SRPK2: variants seen among roughly 807,000 people sequenced by gnomAD.
SRPK2 encodes SFRS protein kinase 2.
SRPK2 carries 21 observed loss-of-function variants against 90.8 expected under a neutral mutation model. That is an observed-to-expected ratio of 0.23 (90% CI 0.16 to 0.33). The LOEUF (loss-of-function observed/expected upper bound fraction) is 0.33. Among genes scored for constraint, SRPK2 ranks in the 10% least tolerant of loss-of-function variants. SRPK2 has a pLI of 1.00. For synonymous variants in SRPK2, 288 were observed against 311.1 expected, an observed-to-expected ratio of 0.93 and a Z score of 0.78; for missense variants, 620 against 869.0, an observed-to-expected ratio of 0.71 and a Z score of 3.60.
intron 2 of SRPK2, among the ~76,000 whole-genome samples, chr7:105,205,515 T>TCACACACA (rs1426772972): frequency 5.4e-5 from 6 of 111,822 alleles, no homozygotes; most frequent in Non-Finnish European, 5.3e-5. Context: ...TCTCTCTCTC[T>TCACACACA]CTCACACACA....
At chr7:105,388,450 G>A (rs924064387) in intron 2 of SRPK2, among the ~76,000 whole-genome samples, 198 bp downstream of exon 2, 5 of 147,206 alleles carry the variant, frequency 3.4e-5, no homozygotes, top group Non-Finnish European at 3.0e-5. Flanking sequence ...CTAGGGAACC[G>A]GCCGCGGCCC....
intron 2 of SRPK2, among the ~76,000 whole-genome samples, chr7:105,380,464 C>G (rs1820809630): frequency 6.6e-6 from 1 of 151,670 alleles, no homozygotes. Flanking sequence ...CAAAACCATG[C>G]ACAAGTAAAA....
chr7:105,299,737 T>C (rs1192371968), intron 2 of SRPK2, among the ~76,000 whole-genome samples: 2 of 151,918 alleles, frequency 1.3e-5, no homozygotes, highest in Non-Finnish European at 1.5e-5. Flanking sequence ...TACCAAAAAA[T>C]ACAAAAATTA....
intron 15 of SRPK2, among the ~76,000 whole-genome samples, chr7:105,124,295 G>C (rs1259647810): frequency 1.3e-5 from 2 of 152,122 alleles, no homozygotes; most frequent in African/African-American, 4.8e-5. Context: ...CCTTCCCGCT[G>C]TGCACAGTAT....
chr7:105,204,367 G>A (rs920729313), intron 2 of SRPK2, among the ~76,000 whole-genome samples: 9 of 152,154 alleles, frequency 5.9e-5, no homozygotes, highest in South Asian at 2.1e-4. Flanking sequence ...AGGCCTGTTC[G>A]AAGTTTTGAA....
At chr7:105,202,926 G>A (rs561079369) in intron 3 of SRPK2, among the ~76,000 whole-genome samples, 1 of 152,278 alleles carries the variant, frequency 6.6e-6, no homozygotes, top group Non-Finnish European at 1.5e-5. Flanking sequence ...GTTATAATTA[G>A]CTCCCCTCAG....
At chr7:105,280,365 G>C (rs147309921) in intron 2 of SRPK2, among the ~76,000 whole-genome samples, 2 of 150,698 alleles carry the variant, frequency 1.3e-5, no homozygotes, top group Non-Finnish European at 2.9e-5. Context: ...CAGTGAGAGC[G>C]AAGACTGAGA....
chr7:105,128,467 A>C (rs965907076), intron 13 of SRPK2, among the ~76,000 whole-genome samples: 1 of 152,214 alleles, frequency 6.6e-6, no homozygotes, highest in African/African-American at 2.4e-5. Flanking sequence ...AGGGCAGGAA[A>C]ACCTCATAAC....
At position 105,189,992 on chromosome 7, in the gene SRPK2, A is replaced by G. The variant is rs575202519; in HGVS notation, c.229+13636T>C. ...TGGTCTCTCACCACTGCCATGCCAC[A>G]CAACTGTGCTCTGGCACTGAGTACA... On this transcript the variant is annotated intron_variant, in intron 3 of 15. Coordinates refer to ENST00000393651, the MANE Select transcript of SRPK2 (RefSeq NM_182692.3). 3.9e-3 allele frequency among the ~76,000 whole-genome samples: 590 copies of G among 152,328 alleles called. 3 individuals carry two copies. Among genetic ancestry groups the G allele is most frequent in the African/African-American group, 0.013 (544 of 41,572 alleles).
intron 2 of SRPK2, among the ~76,000 whole-genome samples, chr7:105,316,634 G>C (rs1812339121): frequency 6.6e-6 from 1 of 152,160 alleles, no homozygotes; most frequent in African/African-American, 2.4e-5. Context: ...AATTCCTACT[G>C]TTCTAATTAG....
intron 3 of SRPK2, among the ~76,000 whole-genome samples, chr7:105,180,899 T>C (rs1792695237): frequency 6.6e-6 from 1 of 152,126 alleles, no homozygotes; most frequent in South Asian, 2.1e-4. Flanking sequence ...ACCTAAGAAC[T>C]TCCTGAACAG....
At chr7:105,357,217 G>A (rs1346946908) in intron 2 of SRPK2, among the ~76,000 whole-genome samples, 2 of 151,612 alleles carry the variant, frequency 1.3e-5, no homozygotes, top group Non-Finnish European at 1.5e-5. Flanking sequence ...TTTGTATTTT[G>A]TTTAGTAGAG....
chr7:105,158,177 G>A (rs1024993831), intron 7 of SRPK2, among the ~76,000 whole-genome samples: 2 of 152,124 alleles, frequency 1.3e-5, no homozygotes, highest in African/African-American at 4.8e-5. Flanking sequence ...TCAACTTACA[G>A]ACTCCTTCAA....
chr7:105,269,155 G>A, intron 2 of SRPK2: 1 of 974,300 alleles, frequency 1.0e-6, no homozygotes, highest in Non-Finnish European at 1.3e-6. Context: ...GGTTCTACAA[G>A]ATGATTTTCA....
At chr7:105,125,350 C>G (rs1054470546) in intron 15 of SRPK2, among the ~76,000 whole-genome samples, 2 of 152,038 alleles carry the variant, frequency 1.3e-5, no homozygotes, top group Admixed American at 6.6e-5. Flanking sequence ...ATGTGAGGTA[C>G]GCAGCATTTC....
chr7:105,306,933 A>G (rs1339831840), intron 2 of SRPK2, among the ~76,000 whole-genome samples: 2 of 152,238 alleles, frequency 1.3e-5, no homozygotes, highest in African/African-American at 2.4e-5. Flanking sequence ...CTGTCAAGTT[A>G]TCCACAGAAC....
intron 10 of SRPK2, 113 bp from the exon 11 acceptor site, chr7:105,142,603 G>A: frequency 7.2e-7 from 1 of 1,383,094 alleles, no homozygotes; most frequent in Middle Eastern, 2.3e-4. Flanking sequence ...TGTACCACCT[G>A]GTAAACACCT....
chr7:105,263,143 C>A (rs941562942), intron 2 of SRPK2, among the ~76,000 whole-genome samples: 4 of 151,932 alleles, frequency 2.6e-5, no homozygotes, highest in African/African-American at 9.7e-5. Flanking sequence ...GCCAACAAGG[C>A]AAAACCCCGT....
At chr7:105,302,415 G>C (rs774524718) in intron 2 of SRPK2, among the ~76,000 whole-genome samples, 50 of 152,280 alleles carry the variant, frequency 3.3e-4, no homozygotes, top group Admixed American at 2.2e-3. Context: ...GTCTTTTAAA[G>C]GAGTATGAAG....
Sources: allele counts gnomAD v4.1 joint callset (sites outside exome capture counted in the v4.1 genomes callset), GRCh38; gene constraint gnomAD v4.1.1; transcripts MANE v1.5; gene names NCBI Gene and HGNC (gene_info 2026-07-23, HGNC 2026-07-21).